ADGRV1: variants seen among roughly 807,000 people sequenced by gnomAD.
The protein encoded by ADGRV1 is G-protein coupled receptor 98.
Under a neutral mutation model 596.2 loss-of-function variants are expected in ADGRV1, and 359 were observed. That is an observed-to-expected ratio of 0.60 (90% confidence interval 0.55 to 0.66). The LOEUF is 0.66. Ranked by LOEUF, ADGRV1 falls within the 30% of genes least tolerant of loss-of-function variation. The probability of loss-of-function intolerance (pLI) is 0.00; values close to 1 mark genes in which losing one functional copy is unlikely to be tolerated. For missense variants in ADGRV1, 7,274 were observed against 7,575.6 expected (o/e 0.96, Z 1.48); for synonymous variants, 2,681 against 2,679.2 (o/e 1.00, Z -0.02).
intron 83 of ADGRV1, among the ~76,000 whole-genome samples, chr5:90,936,840 T>A (rs553494642): frequency 6.6e-6 from 1 of 152,252 alleles, no homozygotes; most frequent in East Asian, 1.9e-4. Context: ...TGCTACTTTT[T>A]AATTATTGAT....
intron 83 of ADGRV1, among the ~76,000 whole-genome samples, chr5:90,922,610 T>TA (rs1773981912): frequency 6.6e-6 from 1 of 152,174 alleles, no homozygotes; most frequent in Non-Finnish European, 1.5e-5. Flanking sequence ...TAGATAACCT[T>TA]ACAACTAACC....
At chr5:90,728,004 G>A (rs1752029711) in intron 48 of ADGRV1, among the ~76,000 whole-genome samples, 1 of 152,018 alleles carries the variant, frequency 6.6e-6, no homozygotes, top group Non-Finnish European at 1.5e-5. Flanking sequence ...TATGTTTCTT[G>A]TTTACCTTTT....
At chr5:90,675,175 C>T (rs920752902) in intron 23 of ADGRV1, 68 bp from the exon 24 acceptor site, 13 of 1,355,204 alleles carry the variant, frequency 9.6e-6, no homozygotes, top group Non-Finnish European at 1.3e-5. Flanking sequence ...TGTAAGATCG[C>T]TTTAATTGAA....
At chr5:90,934,308 C>G (rs184319908) in intron 83 of ADGRV1, among the ~76,000 whole-genome samples, 150 of 152,110 alleles carry the variant, frequency 9.9e-4, no homozygotes, top group Middle Eastern at 3.4e-3. Flanking sequence ...GCGGTGAATG[C>G]TGCTCAATCT....
At chr5:91,114,212 TCGTCTCAAAAAC>T (rs1792642680) in intron 87 of ADGRV1, among the ~76,000 whole-genome samples, 1 of 142,578 alleles carries the variant, frequency 7.0e-6, no homozygotes, top group Admixed American at 7.0e-5. Flanking sequence ...GTGAGAGACT[TCGTCTCAAAAAC>T]ACACAACCAC....
intron 11 of ADGRV1, among the ~76,000 whole-genome samples, chr5:90,639,683 G>T (rs988206757): frequency 2.4e-4 from 36 of 152,146 alleles, no homozygotes; most frequent in African/African-American, 7.2e-4. Flanking sequence ...CTAGTAATTG[G>T]TGCATACTTG....
At chr5:90,733,163 GTTAGAAATGAAGATT>G (rs1006052344) in intron 50 of ADGRV1, among the ~76,000 whole-genome samples, 1 of 152,188 alleles carries the variant, frequency 6.6e-6, no homozygotes, top group African/African-American at 2.4e-5. Flanking sequence ...GGAAAGAGAA[GTTAGAAATGAAGATT>G]CAACAGCACT....
chr5:90,839,031 A>G (rs1225400447), intron 77 of ADGRV1, among the ~76,000 whole-genome samples: 1 of 152,154 alleles, frequency 6.6e-6, no homozygotes, highest in Non-Finnish European at 1.5e-5. Context: ...AAAAACCTCC[A>G]TGCTCATTCC....
chr5:90,841,704 T>G (rs948528934), intron 78 of ADGRV1, among the ~76,000 whole-genome samples: 1 of 152,184 alleles, frequency 6.6e-6, no homozygotes, highest in Non-Finnish European at 1.5e-5. Context: ...TCAATATATT[T>G]ATATACAAGA....
chr5:90,826,056 G>C (rs893995340), intron 76 of ADGRV1, among the ~76,000 whole-genome samples: 11 of 152,142 alleles, frequency 7.2e-5, no homozygotes, highest in African/African-American at 2.4e-5. Context: ...AAAGAGAGAA[G>C]ATGGAAGATG....
chr5:90,961,845 G>A (rs1778059154), intron 83 of ADGRV1, among the ~76,000 whole-genome samples: 1 of 152,016 alleles, frequency 6.6e-6, no homozygotes, highest in Non-Finnish European at 1.5e-5. Flanking sequence ...TTTCTCTTAA[G>A]TTGTGTATAT....
chr5:91,112,827 G>A lies in ADGRV1; in HGVS notation c.18432+10487G>A, dbSNP rs1250990946. On this transcript the variant is annotated intron_variant, in intron 87 of 89. Transcript: ENST00000405460. ...AACGTGAGTTATCCGCTTTTCAGAG[G>A]TGCTGATTTTGCCTCTAAATTTTGT... is the stretch of plus-strand genomic sequence containing the variant. Among the ~76,000 whole-genome samples, 6 of 152,216 alleles carry A rather than the reference G, an allele frequency of 3.9e-5. No individual in the cohort carries two copies. In the South Asian group the frequency reaches 1.2e-3, roughly 32 times the overall value.
intron 61 of ADGRV1, among the ~76,000 whole-genome samples, chr5:90,777,505 A>T (rs541169449): frequency 6.6e-6 from 1 of 152,308 alleles, no homozygotes; most frequent in Non-Finnish European, 1.5e-5. Context: ...CATGGTAGTT[A>T]TCCAGAAGTA....
intron 87 of ADGRV1, among the ~76,000 whole-genome samples, chr5:91,107,870 G>A (rs999726429): frequency 2.0e-5 from 3 of 152,148 alleles, no homozygotes; most frequent in African/African-American, 7.2e-5. Context: ...TCTTATGGAG[G>A]TTTGTAAAGA....
chr5:90,977,410 C>T (rs543177464), intron 84 of ADGRV1, among the ~76,000 whole-genome samples: 185 of 152,286 alleles, frequency 1.2e-3, no homozygotes, highest in African/African-American at 3.8e-3. Flanking sequence ...ATTCTGGTGA[C>T]ACAGTTAATA....
chr5:90,876,542 G>A (rs1168485285), intron 83 of ADGRV1, among the ~76,000 whole-genome samples: 1 of 152,092 alleles, frequency 6.6e-6, no homozygotes, highest in Non-Finnish European at 1.5e-5. Context: ...CTAGATACTC[G>A]TGAAACTCCA....
chr5:90,569,385 ATATTTTTTTTTTTTTTT>A (rs1691950974), intron 1 of ADGRV1, among the ~76,000 whole-genome samples: 1 of 16,490 alleles, frequency 6.1e-5, no homozygotes, highest in Admixed American at 1.4e-3. Context: ...ATATATATAT[ATATTTTTTTTTTTTTTT>A]TTTTTTTTTT....
intron 89 of ADGRV1, among the ~76,000 whole-genome samples, chr5:91,156,148 G>C (rs975139240): frequency 2.0e-5 from 3 of 152,138 alleles, no homozygotes; most frequent in African/African-American, 7.2e-5. Flanking sequence ...GAGGGACCAG[G>C]ATAAAAGGTA....
chr5:91,007,172 A>T (rs193096560), intron 85 of ADGRV1, among the ~76,000 whole-genome samples: 2 of 152,342 alleles, frequency 1.3e-5, no homozygotes, highest in Admixed American at 6.5e-5. Flanking sequence ...AATCTTCACC[A>T]GTTGAACATA....
Sources: allele counts gnomAD v4.1 joint callset (sites outside exome capture counted in the v4.1 genomes callset), GRCh38; gene constraint gnomAD v4.1.1; transcripts MANE v1.5; gene names NCBI Gene and HGNC (gene_info 2026-07-23, HGNC 2026-07-21).